CAST: variants seen among roughly 807,000 people sequenced by gnomAD.
CAST encodes the protein MIR583 host.
Under a neutral mutation model 119.6 loss-of-function variants are expected in CAST, and 76 were observed. That is an observed-to-expected ratio of 0.64 (90% CI 0.53 to 0.77). The LOEUF is 0.77. Ranked by LOEUF, CAST falls within the 30% of genes least tolerant of loss-of-function variation. The pLI is 0.00. For missense variants in CAST, 953 were observed against 946.5 expected (o/e 1.01, Z -0.09); for synonymous variants, 319 against 331.6 (o/e 0.96, Z 0.41).
At chr5:96,000,134 T>G in the CAST span, among the ~76,000 whole-genome samples, 1 of 152,188 alleles carries the variant, frequency 6.6e-6, no homozygotes, top group Non-Finnish European at 1.5e-5. Flanking sequence ...GTCGAGATTT[T>G]TTTGTATAGT....
chr5:96,210,462 A>G, the CAST span, among the ~76,000 whole-genome samples: 1 of 151,972 alleles, frequency 6.6e-6, no homozygotes, highest in African/African-American at 2.4e-5. Flanking sequence ...CCTCCATTGA[A>G]TTGCTTTTGC....
the CAST span, among the ~76,000 whole-genome samples, chr5:95,966,567 G>A: frequency 2.6e-5 from 4 of 151,796 alleles, no homozygotes; most frequent in African/African-American, 9.7e-5. Flanking sequence ...GAAGAGTCTG[G>A]TTATTTAAAA....
At chr5:96,548,840 A>G (rs1746066539) in intron 1 of CAST, among the ~76,000 whole-genome samples, 1 of 152,230 alleles carries the variant, frequency 6.6e-6, no homozygotes, top group African/African-American at 2.4e-5. Flanking sequence ...AAAATTCAGT[A>G]TAAGTATGTC....
At chr5:96,666,655 T>G (rs1304343725) in intron 1 of CAST, among the ~76,000 whole-genome samples, 1 of 152,262 alleles carries the variant, frequency 6.6e-6, no homozygotes, top group Non-Finnish European at 1.5e-5. Flanking sequence ...ACAGCCTTTC[T>G]CTTTCAGCTG....
At chr5:96,467,989 G>A in the CAST span, among the ~76,000 whole-genome samples, 4,834 of 152,078 alleles carry the variant, frequency 0.032, 229 homozygotes, top group African/African-American at 0.11. Flanking sequence ...CAACCTAAGC[G>A]CGCATCAACT....
chr5:96,169,900 T>G, the CAST span, among the ~76,000 whole-genome samples: 1 of 151,772 alleles, frequency 6.6e-6, no homozygotes. Flanking sequence ...TTAAAAGGAG[T>G]GCTTAAAAGA....
At chr5:96,231,771 C>G in the CAST span, among the ~76,000 whole-genome samples, 1 of 151,402 alleles carries the variant, frequency 6.6e-6, no homozygotes, top group Non-Finnish European at 1.5e-5. Flanking sequence ...GAAATAAAAA[C>G]ATAAAAAGGC....
chr5:96,429,120 C>A, the CAST span: 234 of 705,830 alleles, frequency 3.3e-4, no homozygotes, highest in Admixed American at 1.0e-3. Context: ...AAAAAAAAAA[C>A]CACATTTGCA....
the CAST span, among the ~76,000 whole-genome samples, chr5:96,135,791 G>T: frequency 6.6e-6 from 1 of 152,182 alleles, no homozygotes; most frequent in Non-Finnish European, 1.5e-5. Context: ...AGGCATAGTG[G>T]CTCATGCCTG....
chr5:96,111,918 G>A, the CAST span, among the ~76,000 whole-genome samples: 1 of 151,720 alleles, frequency 6.6e-6, no homozygotes, highest in Admixed American at 6.6e-5. Context: ...AAATGCTGGG[G>A]TTACAAGCAT....
At chr5:96,246,251 C>T in the CAST span, among the ~76,000 whole-genome samples, 3 of 129,556 alleles carry the variant, frequency 2.3e-5, no homozygotes, top group Non-Finnish European at 3.1e-5. Context: ...GGCACGATCT[C>T]GGCTCACTGC....
the CAST span, among the ~76,000 whole-genome samples, chr5:95,963,762 C>CACATAGCTAA: frequency 7.2e-6 from 1 of 138,802 alleles, no homozygotes; most frequent in African/African-American, 2.9e-5. Flanking sequence ...AAGGACTGAG[C>CACATAGCTAA]ACATAGCTAA....
intron 31 of CAST, 148 bp from the exon 32 acceptor site, chr5:96,772,483 TTAAAAAAAA>T (rs147648464): frequency 3.2e-4 from 49 of 152,660 alleles, no homozygotes; most frequent in African/African-American, 1.2e-3. Context: ...TTTCCCAAAA[TTAAAAAAAA>T]TTCTATTAAT....
the CAST span, among the ~76,000 whole-genome samples, chr5:96,303,871 C>T: frequency 3.9e-5 from 6 of 152,104 alleles, no homozygotes; most frequent in Non-Finnish European, 7.4e-5. Context: ...TGGGTTGGTT[C>T]CAAGTCTTTG....
At chr5:96,733,620 T>C (rs1167510740) in intron 9 of CAST, among the ~76,000 whole-genome samples, 1 of 152,212 alleles carries the variant, frequency 6.6e-6, no homozygotes, top group East Asian at 1.9e-4. Context: ...CTTATTTTAG[T>C]ACATAGCATG....
intron 1 of CAST, among the ~76,000 whole-genome samples, chr5:96,537,600 C>T (rs1745843106): frequency 6.6e-6 from 1 of 152,160 alleles, no homozygotes; most frequent in African/African-American, 2.4e-5. Flanking sequence ...GCAACTGACT[C>T]ATCATTTCCT....
the CAST span, among the ~76,000 whole-genome samples, chr5:96,344,617 A>G: frequency 5.3e-5 from 8 of 152,196 alleles, no homozygotes; most frequent in Non-Finnish European, 8.8e-5. Flanking sequence ...GAAATTAAAC[A>G]TACTCTACTT....
At chr5:96,113,608 G>A in the CAST span, among the ~76,000 whole-genome samples, 4 of 152,214 alleles carry the variant, frequency 2.6e-5, no homozygotes, top group Non-Finnish European at 4.4e-5. Context: ...TCACCCAGAG[G>A]GCAAAAGACG....
At chr5:96,156,832 A>G in the CAST span, among the ~76,000 whole-genome samples, 1 of 152,312 alleles carries the variant, frequency 6.6e-6, no homozygotes, top group South Asian at 2.1e-4. Flanking sequence ...AGGGGGCAAA[A>G]TCCCTCCAGA....
Sources: allele counts gnomAD v4.1 joint callset (sites outside exome capture counted in the v4.1 genomes callset), GRCh38; gene constraint gnomAD v4.1.1; transcripts MANE v1.5; gene names NCBI Gene and HGNC (gene_info 2026-07-23, HGNC 2026-07-21).